RFC3: variants seen among roughly 807,000 people sequenced by gnomAD.
RFC3 encodes the protein replication factor C subunit 3.
A neutral mutation model predicts 45.1 loss-of-function variants in RFC3; 41 were observed. The observed-to-expected ratio is 0.91, with a 90% CI of 0.71 to 1.18. RFC3 has a LOEUF of 1.18. Among genes scored for constraint, RFC3 ranks in the 50% most tolerant of loss-of-function variants. The pLI is 0.00. For synonymous variants in RFC3, 149 were observed against 144.0 expected (o/e 1.03, Z -0.25); for missense variants, 423 against 428.1 (o/e 0.99, Z 0.10).
Position 33,914,433 on chromosome 13 carries a change from A to ATTTT in RFC3, c.880-51654_880-51653insTTTT, listed in dbSNP as rs1566026382. 3.2e-4 allele frequency among the ~76,000 whole-genome samples: 49 copies of ATTTT among 152,248 alleles called. 1 individual carries two copies. Among genetic ancestry groups the ATTTT allele is most frequent in the Admixed American group, 2.6e-4 (4 of 15,272 alleles). On this transcript the variant is annotated intron_variant, in intron 8 of 8. Coordinates refer to the RFC3 transcript ENST00000434425. ...TCCACTTTGCTCCTAAAAAGTCCAA[A>ATTTT]CTACCAGAAAAATGTAGAAGTGGGC... is the stretch of plus-strand genomic sequence containing the variant.
intron 8 of RFC3, among the ~76,000 whole-genome samples, chr13:33,886,412 G>C (rs948705897): frequency 6.6e-6 from 1 of 151,938 alleles, no homozygotes; most frequent in Non-Finnish European, 1.5e-5. Flanking sequence ...CGGTCGTGGT[G>C]GTGGGCACCT....
intron 8 of RFC3, among the ~76,000 whole-genome samples, chr13:33,859,381 A>G (rs188610432): frequency 6.6e-4 from 100 of 152,228 alleles, no homozygotes; most frequent in Middle Eastern, 6.8e-3. Flanking sequence ...TAAATGCCCA[A>G]TAATGAAAAC....
At chr13:33,884,897 T>C (rs527488902) in intron 8 of RFC3, among the ~76,000 whole-genome samples, 1 of 152,250 alleles carries the variant, frequency 6.6e-6, no homozygotes, top group Non-Finnish European at 1.5e-5. Context: ...AGTATAGTTC[T>C]TGCTTTTCAA....
chr13:33,835,162 G>A lies in RFC3; in HGVS notation c.824G>A (p.Arg275His), dbSNP rs751166752. The change falls in exon 8 of 9, where the codon CGT becomes CAT. Residue 275 changes from arginine (R) to histidine (H), a missense_variant. By Grantham distance (29) the Arg-to-His change is conservative. Coordinates refer to ENST00000380071, the MANE Select transcript of RFC3 (RefSeq NM_002915.4). ...GTTTTATGTAGGCTCCTTGAAGTTCGTGGAAGGCTGTATGAGCTTCTAACT... is the reference window on the plus strand; with the variant it reads ...GTTTTATGTAGGCTCCTTGAAGTTCATGGAAGGCTGTATGAGCTTCTAACT... ...QQTPQRLLEV[R>H]GRLYELLTHC... 9 of 1,607,078 alleles carry A rather than the reference G, an allele frequency of 5.6e-6. No homozygotes were observed. The highest frequency in any genetic ancestry group is 6.8e-6 in the Non-Finnish European group (8 of 1,174,718).
chr13:33,909,795 G>A (rs962912356), intron 8 of RFC3, among the ~76,000 whole-genome samples: 1 of 151,932 alleles, frequency 6.6e-6, no homozygotes. Flanking sequence ...TGCCCCTTTG[G>A]GTGACACTTG....
chr13:33,828,165 AAAATAAAGT>A (rs2082068351), intron 4 of RFC3, among the ~76,000 whole-genome samples: 1 of 152,118 alleles, frequency 6.6e-6, no homozygotes. Context: ...ATAAAATAAA[AAAATAAAGT>A]AAATAAATGA....
intron 8 of RFC3, among the ~76,000 whole-genome samples, chr13:33,877,138 T>G (rs899846274): frequency 1.3e-5 from 2 of 152,228 alleles, no homozygotes; most frequent in Non-Finnish European, 2.9e-5. Flanking sequence ...TAGGTAGTAT[T>G]ATTAGCAGCC....
chr13:33,897,533 A>G (rs2082608615), intron 8 of RFC3, among the ~76,000 whole-genome samples: 1 of 152,132 alleles, frequency 6.6e-6, no homozygotes, highest in African/African-American at 2.4e-5. Flanking sequence ...CAACCAGAAA[A>G]TAAGCAATAA....
At chr13:33,859,233 G>A (rs1423385129) in intron 8 of RFC3, among the ~76,000 whole-genome samples, 1 of 152,130 alleles carries the variant, frequency 6.6e-6, no homozygotes, top group Non-Finnish European at 1.5e-5. Flanking sequence ...CTAAATCTGT[G>A]TATCGTCTTT....
At chr13:33,967,220 T>C (rs1174424365), downstream of RFC3, among the ~76,000 whole-genome samples, 1 of 152,074 alleles carries the variant, frequency 6.6e-6, no homozygotes, top group Non-Finnish European at 1.5e-5. Context: ...AGTTAACAAA[T>C]TTATTAGCAT....
chr13:33,925,520 C>T (rs1348406980), intron 8 of RFC3, among the ~76,000 whole-genome samples: 1 of 143,376 alleles, frequency 7.0e-6, no homozygotes, highest in Non-Finnish European at 1.5e-5. Flanking sequence ...ACATAGTGTA[C>T]TATATACATA....
intron 8 of RFC3, among the ~76,000 whole-genome samples, chr13:33,856,834 C>A (rs1999166): frequency 6.6e-6 from 1 of 152,056 alleles, no homozygotes; most frequent in African/African-American, 2.4e-5. Context: ...AAAAGTAAGG[C>A]CCCTGAGAGA....
intron 8 of RFC3, among the ~76,000 whole-genome samples, chr13:33,953,435 C>A (rs2083002553): frequency 6.6e-6 from 1 of 151,548 alleles, no homozygotes; most frequent in Admixed American, 6.6e-5. Context: ...ATTGTTGCTC[C>A]TAGATAATGA....
chr13:33,877,241 G>T (rs1485868776), intron 8 of RFC3, among the ~76,000 whole-genome samples: 1 of 152,194 alleles, frequency 6.6e-6, no homozygotes, highest in African/African-American at 2.4e-5. Context: ...AGCTGATTAT[G>T]CGGCCCACTG....
chr13:33,870,088 G>A (rs1189815942), intron 8 of RFC3, among the ~76,000 whole-genome samples: 2 of 152,196 alleles, frequency 1.3e-5, no homozygotes, highest in Non-Finnish European at 2.9e-5. Context: ...TCTTAAAGGT[G>A]TGCTCGGAAT....
downstream of RFC3, among the ~76,000 whole-genome samples, chr13:33,969,788 C>T (rs2083102451): frequency 6.6e-6 from 1 of 152,184 alleles, no homozygotes; most frequent in Non-Finnish European, 1.5e-5. Flanking sequence ...ATTATATGCC[C>T]TGTCCAACCT....
intron 8 of RFC3, among the ~76,000 whole-genome samples, chr13:33,896,068 C>G (rs1319168411): frequency 6.6e-6 from 1 of 151,902 alleles, no homozygotes; most frequent in Non-Finnish European, 1.5e-5. Context: ...GTACACTACT[C>G]AGGTGACAGG....
chr13:33,966,325 A>G (rs2083087691), exon 9 of RFC3: 2 of 603,846 alleles, frequency 3.3e-6, no homozygotes, highest in Admixed American at 2.9e-5. Context: ...TGCTAATCAC[A>G]TCCACAAAAC....
At position 33,823,816 on chromosome 13, in the gene RFC3, A is replaced by G. The variant is rs911808802; in HGVS notation, c.226-101A>G. On this transcript the variant is annotated intron_variant, in intron 2 of 8. Transcript: ENST00000380071. Reference sequence around the variant, plus strand: ...TAAAACATGAATGGTGGTTATCTCAAGTTTTACTTTGTGTAATAAAAGGAA... The same window carrying G: ...TAAAACATGAATGGTGGTTATCTCAGGTTTTACTTTGTGTAATAAAAGGAA... The G allele has an allele frequency of 5.3e-6, 3 of 567,412 alleles. No individual in the cohort carries two copies. In the African/African-American group the frequency reaches 5.9e-5, roughly 11 times the overall value. The allele number at this position is 567,412 out of a possible 1,614,324, so 35.1% of individuals were successfully genotyped here. A position where few individuals can be genotyped will look rare whatever the true frequency, so the allele number is the denominator to read the frequency against.
Sources: allele counts gnomAD v4.1 joint callset (sites outside exome capture counted in the v4.1 genomes callset), GRCh38; gene constraint gnomAD v4.1.1; transcripts MANE v1.5; gene names NCBI Gene and HGNC (gene_info 2026-07-23, HGNC 2026-07-21).